The following NCKAP5 variants were observed in gnomAD, a reference collection of about 807,000 sequenced individuals.
NCKAP5 encodes the protein NCK associated protein 5.
NCKAP5 carries 92 observed loss-of-function variants against 167.0 expected under a neutral mutation model. The observed-to-expected ratio is 0.55, with a 90% CI of 0.47 to 0.66. NCKAP5 has a LOEUF of 0.66. Among genes scored for constraint, NCKAP5 ranks in the 30% least tolerant of loss-of-function variants. NCKAP5 has a pLI of 0.00. For missense variants in NCKAP5, 2,378 were observed against 2,315.0 expected (o/e 1.03, Z -0.56); for synonymous variants, 891 against 877.4 (o/e 1.02, Z -0.27).
intron 8 of NCKAP5, 101 bp downstream of exon 8, chr2:132,963,619 C>T: frequency 2.4e-6 from 3 of 1,246,660 alleles, no homozygotes; most frequent in Non-Finnish European, 3.4e-6. Context: ...TCTGGGAGAA[C>T]TCAAAAGGGA....
At chr2:133,507,259 C>A (rs1683095585) in intron 3 of NCKAP5, among the ~76,000 whole-genome samples, 1 of 152,228 alleles carries the variant, frequency 6.6e-6, no homozygotes, top group African/African-American at 2.4e-5. Flanking sequence ...GGCAACAGCC[C>A]TTGAGCCTAC....
intron 5 of NCKAP5, among the ~76,000 whole-genome samples, chr2:133,142,771 T>C (rs572462087): frequency 6.6e-6 from 1 of 152,260 alleles, no homozygotes; most frequent in East Asian, 1.9e-4. Context: ...CAGCTTACCA[T>C]AAGCCTTTGT....
chr2:132,890,922 C>T (rs556564104), intron 8 of NCKAP5, among the ~76,000 whole-genome samples: 25 of 152,250 alleles, frequency 1.6e-4, no homozygotes, highest in African/African-American at 2.9e-4. Flanking sequence ...GAAACAAATA[C>T]GTGTACCCAT....
intron 3 of NCKAP5, among the ~76,000 whole-genome samples, chr2:133,308,822 T>C (rs1187275040): frequency 2.1e-5 from 3 of 144,830 alleles, no homozygotes. Flanking sequence ...GCCATTCTCC[T>C]GCCTCAGCCT....
At chr2:133,168,367 A>G (rs1434231) in intron 5 of NCKAP5, among the ~76,000 whole-genome samples, 44,216 of 151,052 alleles carry the variant, frequency 0.29, 6,490 homozygotes, top group African/African-American at 0.32. Context: ...AAAGCCCCCA[A>G]CCAACACTTT....
intron 8 of NCKAP5, among the ~76,000 whole-genome samples, chr2:132,931,691 A>G (rs1361059313): frequency 6.6e-6 from 1 of 152,218 alleles, no homozygotes; most frequent in Non-Finnish European, 1.5e-5. Flanking sequence ...TAAAACCTAC[A>G]ACTGTATATT....
At chr2:133,266,731 C>T (rs2089251171) in intron 4 of NCKAP5, among the ~76,000 whole-genome samples, 1 of 152,200 alleles carries the variant, frequency 6.6e-6, no homozygotes, top group South Asian at 2.1e-4. Flanking sequence ...TGTGTTCCGC[C>T]GCCAGTCCCC....
intron 8 of NCKAP5, among the ~76,000 whole-genome samples, chr2:132,926,461 G>A (rs1375539599): frequency 6.6e-6 from 1 of 152,136 alleles, no homozygotes; most frequent in Admixed American, 6.5e-5. Flanking sequence ...ATTTTCCATA[G>A]AGTCTGTAGT....
At chr2:133,040,396 C>A (rs1344777898) in intron 6 of NCKAP5, among the ~76,000 whole-genome samples, 1 of 152,150 alleles carries the variant, frequency 6.6e-6, no homozygotes, top group Non-Finnish European at 1.5e-5. Context: ...ACGCAATTAT[C>A]TGTGAATGTC....
At chr2:132,712,179 G>A (rs1558956289) in intron 19 of NCKAP5, among the ~76,000 whole-genome samples, 1 of 152,126 alleles carries the variant, frequency 6.6e-6, no homozygotes, top group Non-Finnish European at 1.5e-5. Flanking sequence ...GGGAAACACT[G>A]GCAGTCAGAG....
chr2:132,779,682 T>TAC (rs144729851), intron 15 of NCKAP5, among the ~76,000 whole-genome samples: 15,014 of 152,066 alleles, frequency 0.099, 1,652 homozygotes, highest in African/African-American at 0.26. Context: ...TATGGCTCTG[T>TAC]AGAGTCAAGA....
chr2:133,605,243 T>C, the NCKAP5 span, among the ~76,000 whole-genome samples: 1 of 152,216 alleles, frequency 6.6e-6, no homozygotes, highest in Admixed American at 6.5e-5. Context: ...TTGCTCGCTT[T>C]AAATTGGTTG....
intron 12 of NCKAP5, among the ~76,000 whole-genome samples, chr2:132,794,235 T>C (rs1354840546): frequency 1.8e-4 from 8 of 43,414 alleles, no homozygotes; most frequent in South Asian, 1.0e-3. Flanking sequence ...TATATATATA[T>C]ATATATATAT....
At chr2:133,267,638 T>G (rs1022627635) in intron 4 of NCKAP5, among the ~76,000 whole-genome samples, 2 of 152,086 alleles carry the variant, frequency 1.3e-5, no homozygotes, top group Admixed American at 1.3e-4. Flanking sequence ...CATTTTGAAT[T>G]TAAAAGATTC....
At chr2:132,745,333 T>C (rs553457840) in intron 16 of NCKAP5, among the ~76,000 whole-genome samples, 46 of 151,746 alleles carry the variant, frequency 3.0e-4, no homozygotes, top group African/African-American at 8.7e-4. Context: ...AAAAACCATA[T>C]GATTATCTCA....
At chr2:133,063,744 A>G (rs2080090542) in intron 6 of NCKAP5, among the ~76,000 whole-genome samples, 1 of 152,202 alleles carries the variant, frequency 6.6e-6, no homozygotes, top group African/African-American at 2.4e-5. Flanking sequence ...TTCATATCCA[A>G]TATTAGCTGA....
At chr2:133,039,677 C>T (rs80349483) in intron 6 of NCKAP5, among the ~76,000 whole-genome samples, 5,083 of 152,222 alleles carry the variant, frequency 0.033, 261 homozygotes, top group African/African-American at 0.12. Context: ...CATAAACCAA[C>T]AGCCCCTCCA....
chr2:132,723,400 G>T (rs1457786097), intron 19 of NCKAP5, among the ~76,000 whole-genome samples: 1 of 149,962 alleles, frequency 6.7e-6, no homozygotes, highest in Non-Finnish European at 1.5e-5. Context: ...CTGACCTTGT[G>T]ATCTACCCGG....
rs888272718 is a variant in NCKAP5, at chr2:132,891,599, C to G, written c.580-12683G>C. Reference sequence around the variant, plus strand: ...AGCCTAAGGGCATAGATCAGTGTCTCTCTGTGTGTGCATATGCATATGGGT... The same window carrying G: ...AGCCTAAGGGCATAGATCAGTGTCTGTCTGTGTGTGCATATGCATATGGGT... On this transcript the variant is annotated intron_variant, in intron 8 of 19. Coordinates refer to ENST00000409261, the MANE Select transcript of NCKAP5 (RefSeq NM_207363.3). Among the ~76,000 whole-genome samples the G allele has an allele frequency of 7.2e-5, 11 of 152,332 alleles. No homozygotes were observed. In the South Asian group the frequency reaches 2.3e-3, roughly 32 times the overall value.
Sources: allele counts gnomAD v4.1 joint callset (sites outside exome capture counted in the v4.1 genomes callset), GRCh38; gene constraint gnomAD v4.1.1; transcripts MANE v1.5; gene names NCBI Gene and HGNC (gene_info 2026-07-23, HGNC 2026-07-21).